The following CFAP65 variants were observed in gnomAD, a reference collection of about 807,000 sequenced individuals.
CFAP65 encodes the protein cilia and flagella associated protein 65, also known as cilia- and flagella-associated protein 65.
Under a neutral mutation model 208.0 loss-of-function variants are expected in CFAP65, and 155 were observed. The ratio of observed to expected loss-of-function variants is 0.75; its 90% CI spans 0.65 to 0.85. CFAP65 has a LOEUF of 0.85. CFAP65 is among the 40% of genes least tolerant of loss of function. The probability of loss-of-function intolerance (pLI) is 0.00; values close to 1 mark genes in which losing one functional copy is unlikely to be tolerated. For missense variants in CFAP65, 2,294 were observed against 2,451.3 expected (o/e 0.94, Z 1.36); for synonymous variants, 970 against 986.3 (o/e 0.98, Z 0.31).
Position 219,019,360 on chromosome 2 carries a change from C to A in CFAP65, c.3473+146G>T. ...CAATTCTTCCCTTCCCTGGGCCCCTCCAGGGATGGGCGAGAACTGGGGAGC... is the reference window on the plus strand; with the variant it reads ...CAATTCTTCCCTTCCCTGGGCCCCTACAGGGATGGGCGAGAACTGGGGAGC... On this transcript the variant is annotated intron_variant, in intron 20 of 34. Coordinates refer to ENST00000341552, the MANE Select transcript of CFAP65 (RefSeq NM_194302.4). 6.6e-6 allele frequency: 7 copies of A among 1,066,846 alleles called. No homozygotes were observed. The Admixed American group carries it at 1.3e-4, about 20-fold the overall frequency. 66.1% of individuals were successfully genotyped at this position (1,066,846 alleles called of 1,614,324 possible). A position where few individuals can be genotyped will look rare whatever the true frequency, so the allele number is the denominator to read the frequency against.
At chr2:219,024,568 T>C (rs531110574) in intron 14 of CFAP65, among the ~76,000 whole-genome samples, 21 of 152,130 alleles carry the variant, frequency 1.4e-4, no homozygotes, top group Non-Finnish European at 2.9e-4. Flanking sequence ...TGTTTCATTT[T>C]AGGGTGTCTT....
At position 219,019,600 on chromosome 2, in the gene CFAP65, G is replaced by C; in HGVS notation, c.3379C>G (p.Leu1127Val). 3 of 1,613,834 alleles carry C rather than the reference G, an allele frequency of 1.9e-6. No homozygotes were observed. The highest frequency in any genetic ancestry group is 8.5e-7 in the Non-Finnish European group (1 of 1,180,018). Residue 1127 changes from leucine to valine, a missense_variant, in exon 20 of 35, where the codon CTG (leucine) becomes GTG (valine). Transcript: ENST00000341552. ...AGGTCCAGAGAGAAGAGGCGCCACA[G>C]GTGCTTCCGGGTGATACCCTCAGCA... is the stretch of plus-strand genomic sequence containing the variant. ...GSAEGITRKHLWRLFSLDLLN... is the reference protein window; with the variant it reads ...GSAEGITRKHVWRLFSLDLLN...
intron 31 of CFAP65, 110 bp from the exon 32 acceptor site, chr2:219,005,672 G>A: frequency 7.5e-7 from 1 of 1,335,106 alleles, no homozygotes; most frequent in Non-Finnish European, 1.0e-6. Context: ...TGAGTTTGAG[G>A]CACTCCCAGC....
chr2:219,033,840 T>C (rs1300875942), intron 5 of CFAP65: 3 of 152,168 alleles, frequency 2.0e-5, no homozygotes, highest in Non-Finnish European at 2.9e-5. Context: ...AAAATGTCAT[T>C]TTCCATTTAA....
At chr2:219,019,852 G>T in intron 19 of CFAP65, 133 bp from the exon 20 acceptor site, 1 of 658,880 alleles carries the variant, frequency 1.5e-6, no homozygotes, top group Non-Finnish European at 2.7e-6. Context: ...GACCCCTCTC[G>T]GGCTCTAGGG....
intron 20 of CFAP65, 97 bp downstream of exon 20, chr2:219,019,409 C>T: frequency 8.5e-7 from 1 of 1,182,352 alleles, no homozygotes; most frequent in East Asian, 2.6e-5. Context: ...AGATGGGAAA[C>T]AGCTTCCTTG....
Position 219,019,704 on chromosome 2 carries a change from TC to T in CFAP65, c.3274del (p.Glu1092ArgfsTer68), listed in dbSNP as rs745349780. The T allele has an allele frequency of 6.2e-7, 1 of 1,613,068 alleles. No individual in the cohort carries two copies. The highest frequency in any genetic ancestry group is 1.3e-5 in the African/African-American group (1 of 74,894). ...LLSHRDNKAGEKQELCCVSLV... is the reference protein window; with the variant it reads ...LLSHRDNKAGXKQELCCVSLV... Reference sequence around the variant, plus strand: ...GGAGACGCAGCACAGCTCCTGCTTCTCCCCAGCCTTGTTATCTGGGGAGGGG... The same window carrying T: ...GGAGACGCAGCACAGCTCCTGCTTCTCCCAGCCTTGTTATCTGGGGAGGGG... On this transcript the variant is annotated frameshift_variant, in exon 20 of 35. Transcript: ENST00000341552. LOFTEE classifies it high-confidence loss of function.
rs962988918 is a variant in CFAP65, at chr2:219,013,862, G to A, written c.3779+6C>T. 1.3e-6 allele frequency: 2 copies of A among 1,580,398 alleles called. No homozygotes were observed. Among genetic ancestry groups the A allele is most frequent in the Non-Finnish European group, 8.6e-7 (1 of 1,162,536 alleles). ...AAGTGCAGGGGGTTTGGGGGGTGGG[G>A]AACACCTGTATTTTAACTCCACCAT... On this transcript the variant is annotated splice_donor_region_variant and intron_variant, in intron 22 of 34. Transcript: ENST00000341552.
rs930138311 is a variant in CFAP65 at position 219,013,538 on chromosome 2, G to A, written c.3827C>T (p.Ser1276Phe). Residue 1276 changes from serine (S) to phenylalanine (F), a missense_variant, in exon 23 of 35, where the codon TCC becomes TTC. Physicochemically the swap from Ser to Phe is radical, Grantham distance 155. Transcript: ENST00000341552. ...CCTCACCAGGATCTCCCGGCCATGGGACACCTTGAAGAGCACTGGGAGGTG... is the reference window on the plus strand; with the variant it reads ...CCTCACCAGGATCTCCCGGCCATGGAACACCTTGAAGAGCACTGGGAGGTG... ...TDHLPVLFKV[S>F]HGREILLNFI... 6.2e-7 allele frequency: 1 copy of A among 1,600,984 alleles called. No individual in the cohort carries two copies. Among genetic ancestry groups the A allele is most frequent in the East Asian group, 2.2e-5 (1 of 44,460 alleles).
intron 30 of CFAP65, 69 bp from the exon 31 acceptor site, chr2:219,006,292 T>C: frequency 1.3e-6 from 2 of 1,526,492 alleles, no homozygotes; most frequent in Non-Finnish European, 1.8e-6. Context: ...TGGGGTCCCT[T>C]GACCTAGTTC....
Position 219,012,806 on chromosome 2 carries a change from G to C in CFAP65, c.3957+453C>G, listed in dbSNP as rs115948286. Among the ~76,000 whole-genome samples the C allele has an allele frequency of 1.8e-3, 279 of 152,196 alleles. 1 individual carries two copies. Among genetic ancestry groups the C allele is most frequent in the African/African-American group, 6.3e-3 (263 of 41,518 alleles). On this transcript the variant is annotated intron_variant, in intron 24 of 34. Transcript: ENST00000341552. ...TGAGCAGATCTAAATCAATGTTGTG[G>C]GTCATGCCCAGCATTTAAAAAATTG... is the stretch of plus-strand genomic sequence containing the variant.
intron 13 of CFAP65, chr2:219,027,199 C>A: frequency 7.9e-7 from 1 of 1,264,332 alleles, no homozygotes; most frequent in Non-Finnish European, 1.0e-6. Flanking sequence ...GAGTTCCCGA[C>A]CCAGGGAAGC....
rs772132181 is a variant in CFAP65 at position 219,038,372 on chromosome 2, T to G, written c.357+3A>C. The G allele has an allele frequency of 1.2e-4, 191 of 1,611,928 alleles. No individual in the cohort carries two copies. The highest frequency in any genetic ancestry group is 1.6e-4 in the Non-Finnish European group (183 of 1,179,706). On this transcript the variant is annotated splice_donor_region_variant and intron_variant, in intron 4 of 34. Coordinates refer to ENST00000341552, the MANE Select transcript of CFAP65 (RefSeq NM_194302.4). ...GCTCTGCCTGCCCTGGCTGTATCCT[T>G]ACCTGGGCGCTGATGGTGCTGCAGG...
rs557159351 is a variant in CFAP65 at position 219,006,570 on chromosome 2, A to T, written c.4675-61T>A. 38 of 1,538,992 alleles carry T rather than the reference A, an allele frequency of 2.5e-5. No homozygotes were observed. In the East Asian group the frequency reaches 8.3e-4, roughly 34 times the overall value. On this transcript the variant is annotated intron_variant, in intron 29 of 34. Transcript: ENST00000341552. ...GAGGCCCGGCCGGGGGTGGTGCTTCATGCCTGTAATCCCAGCACTTTGGAA... is the reference window on the plus strand; with the variant it reads ...GAGGCCCGGCCGGGGGTGGTGCTTCTTGCCTGTAATCCCAGCACTTTGGAA...
Position 219,021,788 on chromosome 2 carries a change from T to C in CFAP65, c.3122A>G (p.His1041Arg). The C allele has an allele frequency of 6.2e-7, 1 of 1,612,654 alleles. No individual in the cohort carries two copies. The highest frequency in any genetic ancestry group is 8.5e-7 in the Non-Finnish European group (1 of 1,179,728). ...AGCTCAGGCCCAAGTACCGAGGGGGTGGTTGTCAACGGCCTCAGGGCTGCC... is the reference window on the plus strand; with the variant it reads ...AGCTCAGGCCCAAGTACCGAGGGGGCGGTTGTCAACGGCCTCAGGGCTGCC... ...EQGSPEAVDN[H>R]PLALQLDRTE... Residue 1041 changes from histidine to arginine, a missense_variant, in exon 18 of 35, where the codon CAC becomes CGC. Physicochemically the swap from His to Arg is conservative, Grantham distance 29 (BLOSUM62 0). Coordinates refer to ENST00000341552, the MANE Select transcript of CFAP65 (RefSeq NM_194302.4).
intron 22 of CFAP65, 60 bp from the exon 23 acceptor site, chr2:219,013,645 C>A (rs1238938189): frequency 1.4e-6 from 2 of 1,462,552 alleles, no homozygotes; most frequent in Non-Finnish European, 1.9e-6. Context: ...AGTAGGAGAG[C>A]AAATGGACAT....
rs554594099 is a variant in CFAP65 at position 219,032,407 on chromosome 2, T to G, written c.645+63A>C. 115 of 1,445,038 alleles carry G rather than the reference T, an allele frequency of 8.0e-5. No individual in the cohort carries two copies. The African/African-American group carries it at 1.6e-3, about 20-fold the overall frequency. 89.5% of individuals were successfully genotyped at this position (1,445,038 alleles called of 1,614,324 possible). ...GCGCTCCTGGTTGCTCTGTCCTGTTTTCTGTTCTGAGGTCACTGCTCCCAG... is the reference window on the plus strand; with the variant it reads ...GCGCTCCTGGTTGCTCTGTCCTGTTGTCTGTTCTGAGGTCACTGCTCCCAG... On this transcript the variant is annotated intron_variant, in intron 6 of 34. Transcript: ENST00000341552. The surrounding 1 kb of genome is among the most constrained non-coding windows in gnomAD (Gnocchi z 5.5).
chr2:219,006,595 A>C (rs1946011320), intron 29 of CFAP65, 86 bp from the exon 30 acceptor site: 1 of 1,359,920 alleles, frequency 7.4e-7, no homozygotes, highest in South Asian at 1.2e-5. Context: ...GCACTTTGGA[A>C]GGCCAAGGCG....
rs1244396563 is a variant in CFAP65 at position 219,004,176 on chromosome 2, C to T, written c.5331G>A (p.Glu1777=). Residue 1777 remains glutamate, a synonymous_variant, in exon 33 of 35, where the codon GAG becomes GAA. Transcript: ENST00000341552. The surrounding 1 kb of genome is among the most constrained non-coding windows in gnomAD (Gnocchi z 4.7). ...KGEEEEEELE[E]EEEEEEETEE... ...CTGTCTCCTCTTCTTCCTCCTCTTC[C>T]TCCTCCAACTCTTCTTCTTCCTCTT... The T allele has an allele frequency of 1.2e-6, 2 of 1,613,992 alleles. No homozygotes were observed. The highest frequency in any genetic ancestry group is 2.7e-5 in the African/African-American group (2 of 75,012).
Sources: gnomAD v4.1 joint callset for allele counts (sites outside exome capture counted in the v4.1 genomes callset) on GRCh38, gnomAD v4.1.1 for gene constraint, Gnocchi (gnomAD v3.1) non-coding constraint, MANE v1.5 for transcripts, NCBI Gene and HGNC (gene_info 2026-07-23, HGNC 2026-07-21) for gene names.